PTPRN2: variants seen among roughly 807,000 people sequenced by gnomAD.
The protein encoded by PTPRN2 is protein tyrosine phosphatase receptor type N2.
Under a neutral mutation model 118.8 loss-of-function variants are expected in PTPRN2, and 74 were observed. That is an observed-to-expected ratio of 0.62 (90% CI 0.52 to 0.76). The LOEUF (loss-of-function observed/expected upper bound fraction) is 0.76, where lower values mean the gene tolerates loss of function less well. Ranked by LOEUF, PTPRN2 falls within the 30% of genes least tolerant of loss-of-function variation. The pLI is 0.00. For missense variants in PTPRN2, 1,481 were observed against 1,394.4 expected (o/e 1.06, Z -0.99); for synonymous variants, 641 against 608.0 (o/e 1.05, Z -0.80).
chr7:157,687,057 T>C (rs988492524), intron 12 of PTPRN2, among the ~76,000 whole-genome samples: 1 of 152,144 alleles, frequency 6.6e-6, no homozygotes, highest in Admixed American at 6.5e-5. Flanking sequence ...AAAATAAGTG[T>C]ATGACCACAG....
chr7:158,334,431 C>A (rs1413160890), intron 2 of PTPRN2, among the ~76,000 whole-genome samples: 2 of 72,360 alleles, frequency 2.8e-5, no homozygotes, highest in South Asian at 6.9e-4. Context: ...ACGTCACTCA[C>A]ACCCACACTC....
chr7:158,448,880 G>A (rs1327742611), intron 2 of PTPRN2, among the ~76,000 whole-genome samples: 1 of 152,230 alleles, frequency 6.6e-6, no homozygotes, highest in African/African-American at 2.4e-5. Flanking sequence ...GGAGACCAGT[G>A]GGATGCCACA....
At chr7:157,672,789 T>A (rs760707001) in intron 13 of PTPRN2, among the ~76,000 whole-genome samples, 3 of 152,262 alleles carry the variant, frequency 2.0e-5, no homozygotes, top group Non-Finnish European at 4.4e-5. Flanking sequence ...TAAACCTGTA[T>A]ATCAAATCCA....
chr7:157,889,640 G>A (rs920898591), intron 12 of PTPRN2, among the ~76,000 whole-genome samples: 4 of 152,182 alleles, frequency 2.6e-5, no homozygotes, highest in South Asian at 2.1e-4. Flanking sequence ...ATGCATGCCC[G>A]TGTCTCCCCT....
At chr7:157,698,616 G>A (rs1399445405) in intron 12 of PTPRN2, among the ~76,000 whole-genome samples, 1 of 152,160 alleles carries the variant, frequency 6.6e-6, no homozygotes, top group Non-Finnish European at 1.5e-5. Flanking sequence ...TATTAGTTTT[G>A]TCCATTAAAA....
intron 21 of PTPRN2, among the ~76,000 whole-genome samples, chr7:157,558,616 A>G (rs1469857935): frequency 6.6e-6 from 1 of 152,164 alleles, no homozygotes; most frequent in African/African-American, 2.4e-5. Flanking sequence ...TGCACCTTTT[A>G]CCCAAAAGGT....
intron 11 of PTPRN2, among the ~76,000 whole-genome samples, chr7:158,076,971 G>T (rs78334516): frequency 8.5e-5 from 13 of 152,226 alleles, no homozygotes; most frequent in Non-Finnish European, 1.6e-4. Context: ...GCCTGGGGTC[G>T]ATAGTTAAGG....
chr7:158,256,947 A>G (rs921755258), intron 3 of PTPRN2, among the ~76,000 whole-genome samples: 2 of 152,178 alleles, frequency 1.3e-5, no homozygotes, highest in Non-Finnish European at 2.9e-5. Flanking sequence ...CCTTCAAGCT[A>G]CCAGCTTTTT....
chr7:158,002,740 A>G (rs1482906604), intron 11 of PTPRN2, among the ~76,000 whole-genome samples: 1 of 152,230 alleles, frequency 6.6e-6, no homozygotes, highest in Non-Finnish European at 1.5e-5. Context: ...GGTCAGCTGC[A>G]GCGAGAGAAA....
At chr7:158,111,344 A>G (rs1023542584) in intron 9 of PTPRN2, among the ~76,000 whole-genome samples, 3 of 152,160 alleles carry the variant, frequency 2.0e-5, no homozygotes, top group Non-Finnish European at 2.9e-5. Flanking sequence ...AAGTGTGAGC[A>G]TGGAAACCAG....
intron 13 of PTPRN2, chr7:157,669,540 T>C: frequency 2.0e-6 from 1 of 491,336 alleles, no homozygotes; most frequent in Non-Finnish European, 4.0e-6. Context: ...AGTCAGGGGC[T>C]GTAAGCACAG....
chr7:158,071,143 G>A (rs573125068), intron 11 of PTPRN2, among the ~76,000 whole-genome samples: 12 of 80,530 alleles, frequency 1.5e-4, no homozygotes, highest in African/African-American at 2.1e-4. Context: ...AGGTGCTCGT[G>A]GTGGTGGAGG....
rs1431643964 is a variant in PTPRN2 at position 157,591,727 on chromosome 7, C to T, written c.2496+3511G>A. ...AGAGATGCTGACATTCTAAAACACA[C>T]GGTTTAGAGGCCTCCCAGGCAAATG... On this transcript the variant is annotated intron_variant, in intron 17 of 22. Coordinates refer to ENST00000389418, the MANE Select transcript of PTPRN2 (RefSeq NM_002847.5). This position sits in a 1 kb window ranked among gnomAD's most constrained non-coding sequence, Gnocchi z 4.4. Among the ~76,000 whole-genome samples the T allele has an allele frequency of 2.0e-5, 3 of 152,250 alleles. No individual in the cohort carries two copies. The highest frequency in any genetic ancestry group is 4.8e-5 in the African/African-American group (2 of 41,472).
intron 19 of PTPRN2, 76 bp downstream of exon 19, chr7:157,576,537 C>T: frequency 7.2e-7 from 1 of 1,390,420 alleles, no homozygotes; most frequent in Non-Finnish European, 9.6e-7. Context: ...AGGGGCGTCT[C>T]AGGAGCACCG....
intron 13 of PTPRN2, among the ~76,000 whole-genome samples, chr7:157,679,664 C>T (rs1269080845): frequency 6.6e-6 from 1 of 152,164 alleles, no homozygotes; most frequent in Non-Finnish European, 1.5e-5. Context: ...ACAACGTGGG[C>T]CCCCTGTGGT....
At chr7:157,715,236 G>A (rs1041197358) in intron 12 of PTPRN2, among the ~76,000 whole-genome samples, 6 of 152,210 alleles carry the variant, frequency 3.9e-5, no homozygotes, top group African/African-American at 1.2e-4. Flanking sequence ...CAGGCCGTGC[G>A]CCCAAGAGGA....
At chr7:158,245,165 G>A (rs539049173) in intron 3 of PTPRN2, among the ~76,000 whole-genome samples, 18 of 151,820 alleles carry the variant, frequency 1.2e-4, no homozygotes, top group South Asian at 6.3e-4. Flanking sequence ...TGGCCATGCC[G>A]GAATCCATGG....
At chr7:158,051,340 A>G (rs1232146334) in intron 11 of PTPRN2, among the ~76,000 whole-genome samples, 1 of 152,220 alleles carries the variant, frequency 6.6e-6, no homozygotes, top group Non-Finnish European at 1.5e-5. Flanking sequence ...CTGTGGGGAC[A>G]TTAAAGGACA....
rs375048495 is a variant in PTPRN2 at position 157,780,801 on chromosome 7, CT to C, written c.1789-97865del. Among the ~76,000 whole-genome samples the C allele has an allele frequency of 1.4e-4, 22 of 152,310 alleles. No homozygotes were observed. Among genetic ancestry groups the C allele is most frequent in the African/African-American group, 5.1e-4 (21 of 41,580 alleles). On this transcript the variant is annotated intron_variant, in intron 12 of 22. Coordinates refer to ENST00000389418, the MANE Select transcript of PTPRN2 (RefSeq NM_002847.5). The surrounding 1 kb of genome is among the most constrained non-coding windows in gnomAD (Gnocchi z 4.5). ...AAGGTGGACGAGCTCTCCAAACTCG[CT>C]TTCTCTGCCTCATCCGTGATGAGCT...
Sources: allele counts gnomAD v4.1 joint callset (sites outside exome capture counted in the v4.1 genomes callset), GRCh38; gene constraint gnomAD v4.1.1; non-coding constraint Gnocchi (gnomAD v3.1); transcripts MANE v1.5; gene names NCBI Gene and HGNC (gene_info 2026-07-23, HGNC 2026-07-21).